Variants in MICU3 observed in about 807,000 individuals in gnomAD.
MICU3 encodes mitochondrial calcium uptake 3.
In MICU3, 62 loss-of-function variants were observed where a neutral mutation model predicts 66.5. The observed-to-expected ratio is 0.93, with a 90% CI of 0.76 to 1.15. MICU3 has a LOEUF of 1.15. Ranked by LOEUF, MICU3 falls within the 50% of genes most tolerant of loss-of-function variation. The pLI is 0.00. For missense variants in MICU3, 779 were observed against 664.4 expected (o/e 1.17, Z -1.90); for synonymous variants, 308 against 240.7 (o/e 1.28, Z -2.59).
intron 1 of MICU3, among the ~76,000 whole-genome samples, chr8:17,032,956 C>T (rs1812344184): frequency 6.6e-6 from 1 of 152,078 alleles, no homozygotes; most frequent in African/African-American, 2.4e-5. Context: ...TACCATGCAC[C>T]ATGAACCGCA....
chr8:17,133,267 C>T, the MICU3 span, among the ~76,000 whole-genome samples: 1 of 152,122 alleles, frequency 6.6e-6, no homozygotes, highest in South Asian at 2.1e-4. Flanking sequence ...AGGATTAGTC[C>T]AATCAAACTG....
At chr8:17,046,235 A>C (rs996524836) in intron 1 of MICU3, among the ~76,000 whole-genome samples, 1 of 152,178 alleles carries the variant, frequency 6.6e-6, no homozygotes, top group Non-Finnish European at 1.5e-5. Context: ...TGTGGGATCT[A>C]GCACTATCTC....
intron 9 of MICU3, among the ~76,000 whole-genome samples, chr8:17,101,923 A>G (rs954591799): frequency 1.3e-5 from 2 of 152,086 alleles, no homozygotes; most frequent in Middle Eastern, 3.4e-3. Flanking sequence ...GAGCATTTAC[A>G]GTACACTAGT....
At chr8:17,027,943 A>C (rs1338084406) in intron 1 of MICU3, among the ~76,000 whole-genome samples, 1 of 152,172 alleles carries the variant, frequency 6.6e-6, no homozygotes, top group Admixed American at 6.5e-5. Flanking sequence ...CTTACAAAAA[A>C]AGATTCAGAA....
At chr8:17,098,308 T>A in intron 8 of MICU3, 150 bp from the exon 9 acceptor site, 3 of 692,978 alleles carry the variant, frequency 4.3e-6, no homozygotes, top group Middle Eastern at 3.9e-4. Flanking sequence ...AATACAATAC[T>A]GTGGTGCACA....
At chr8:17,130,576 C>T in the MICU3 span, among the ~76,000 whole-genome samples, 1 of 151,886 alleles carries the variant, frequency 6.6e-6, no homozygotes, top group Non-Finnish European at 1.5e-5. Context: ...TGCATTGCTG[C>T]GTTTATCATT....
chr8:17,129,862 AT>A, the MICU3 span, among the ~76,000 whole-genome samples: 3 of 152,142 alleles, frequency 2.0e-5, no homozygotes, highest in Admixed American at 2.0e-4. Context: ...AAAAACAAAA[AT>A]TTTTTTTCAG....
chr8:17,092,881 A>G (rs1015813497), intron 8 of MICU3, among the ~76,000 whole-genome samples: 1 of 152,058 alleles, frequency 6.6e-6, no homozygotes, highest in Non-Finnish European at 1.5e-5. Context: ...AGTATAGATC[A>G]TGGAGCTGGA....
At chr8:17,031,582 A>G (rs1305517328) in intron 1 of MICU3, among the ~76,000 whole-genome samples, 1 of 152,028 alleles carries the variant, frequency 6.6e-6, no homozygotes, top group Non-Finnish European at 1.5e-5. Context: ...CGCTGCACCC[A>G]GCCCATTTAT....
At chr8:17,078,055 A>G (rs1434009006) in intron 4 of MICU3, among the ~76,000 whole-genome samples, 194 bp downstream of exon 4, 1 of 152,102 alleles carries the variant, frequency 6.6e-6, no homozygotes, top group African/African-American at 2.4e-5. Flanking sequence ...TCCACCCTTC[A>G]TTAAGGGTGG....
In MICU3 at chr8:17,114,141, C is replaced by G. The variant is rs1252683583; in HGVS notation, c.1306C>G (p.Leu436Val). 1.2e-6 allele frequency: 2 copies of G among 1,612,486 alleles called. No homozygotes were observed. The highest frequency in any genetic ancestry group is 3.3e-5 in the Admixed American group (2 of 59,896). The change falls in exon 12 of 15, where the codon CTA (leucine) becomes GTA (valine). Residue 436 changes from leucine (L) to valine (V), a missense_variant. Physicochemically the swap from Leu to Val is conservative, Grantham distance 32. Transcript: ENST00000318063. ...FRSFFQFLNN[L>V]EDFAIALNMY... Reference sequence around the variant, plus strand: ...GTCATTTTTCCAGTTTTTAAACAACCTAGAAGACTTTGCAATAGCCCTGAA... The same window carrying G: ...GTCATTTTTCCAGTTTTTAAACAACGTAGAAGACTTTGCAATAGCCCTGAA...
intron 12 of MICU3, among the ~76,000 whole-genome samples, chr8:17,115,277 C>G (rs1346235943): frequency 6.6e-6 from 1 of 152,116 alleles, no homozygotes; most frequent in South Asian, 2.1e-4. Flanking sequence ...ATAAGAGAAA[C>G]CTGCAAAATT....
At chr8:17,081,227 A>G (rs546764853) in intron 4 of MICU3, among the ~76,000 whole-genome samples, 2 of 152,284 alleles carry the variant, frequency 1.3e-5, no homozygotes, top group South Asian at 4.1e-4. Context: ...TTAAAATGCG[A>G]AACATCACAT....
intron 1 of MICU3, among the ~76,000 whole-genome samples, chr8:17,043,904 G>C (rs2150537851): frequency 6.6e-6 from 1 of 152,282 alleles, no homozygotes; most frequent in South Asian, 2.1e-4. Context: ...TGAGTTATAA[G>C]TACAAATATT....
At chr8:17,115,074 C>G (rs1240102445) in intron 12 of MICU3, among the ~76,000 whole-genome samples, 2 of 150,170 alleles carry the variant, frequency 1.3e-5, no homozygotes, top group Admixed American at 6.6e-5. Context: ...AGCCGAGATC[C>G]CGCCACTGCA....
chr8:17,043,385 T>TA (rs1483393923), intron 1 of MICU3, among the ~76,000 whole-genome samples: 2 of 152,236 alleles, frequency 1.3e-5, no homozygotes, highest in Admixed American at 6.5e-5. Context: ...AAATTATTCT[T>TA]ACTAATCTGA....
At chr8:17,051,248 T>A (rs961418828) in intron 1 of MICU3, among the ~76,000 whole-genome samples, 5 of 152,324 alleles carry the variant, frequency 3.3e-5, no homozygotes, top group Admixed American at 1.3e-4. Flanking sequence ...ATTTTAATTT[T>A]TAAAGCAATC....
chr8:17,091,494 C>T (rs902834303), intron 8 of MICU3, among the ~76,000 whole-genome samples: 20 of 151,974 alleles, frequency 1.3e-4, no homozygotes, highest in African/African-American at 4.8e-4. Context: ...TGTATTGTCT[C>T]CTGTATTGGA....
chr8:17,115,507 T>A lies in MICU3; in HGVS notation c.1367-936T>A, dbSNP rs184927776. On this transcript the variant is annotated intron_variant, in intron 12 of 14. Transcript: ENST00000318063. ...TTTTAGAACTGGAAAATGAAAAAAA[T>A]TGATGGTGTCACCTGTCTTGCAGGC... Among the ~76,000 whole-genome samples, 546 of 152,244 alleles carry A rather than the reference T, an allele frequency of 3.6e-3. 7 individuals carry two copies. Among genetic ancestry groups the A allele is most frequent in the Non-Finnish European group, 2.9e-3 (200 of 68,010 alleles).
Sources: allele counts gnomAD v4.1 joint callset (sites outside exome capture counted in the v4.1 genomes callset), GRCh38; gene constraint gnomAD v4.1.1; transcripts MANE v1.5; gene names NCBI Gene and HGNC (gene_info 2026-07-23, HGNC 2026-07-21).